Variants in NCKAP5 observed in about 807,000 individuals in gnomAD.
NCKAP5 encodes the protein nck-associated protein 5.
Under a neutral mutation model 167.0 loss-of-function variants are expected in NCKAP5, and 92 were observed. The ratio of observed to expected loss-of-function variants is 0.55; its 90% confidence interval spans 0.47 to 0.66. The LOEUF is 0.66. Ranked by LOEUF, NCKAP5 falls within the 30% of genes least tolerant of loss-of-function variation. The probability of loss-of-function intolerance (pLI) is 0.00; values close to 1 mark genes in which losing one functional copy is unlikely to be tolerated. For synonymous variants in NCKAP5, 891 were observed against 877.4 expected (o/e 1.02, Z -0.27); for missense variants, 2,378 against 2,315.0 (o/e 1.03, Z -0.56).
chr2:133,427,251 G>C (rs1045485189), intron 3 of NCKAP5, among the ~76,000 whole-genome samples: 5 of 152,278 alleles, frequency 3.3e-5, no homozygotes, highest in African/African-American at 1.2e-4. Flanking sequence ...TGAGTAGGAA[G>C]ACAATTTGAA....
At position 132,969,841 on chromosome 2, in the gene NCKAP5, G is replaced by C. The variant is rs140287865; in HGVS notation, c.430-5972C>G. Among the ~76,000 whole-genome samples the C allele has an allele frequency of 2.5e-3, 375 of 152,362 alleles. 1 individual carries two copies. Among genetic ancestry groups the C allele is most frequent in the Non-Finnish European group, 4.3e-3 (291 of 68,038 alleles). ...CACTGACCTAAAGGCATACTTGCCT[G>C]TGCTCTACATGACAAAATGCCCTGA... is the stretch of plus-strand genomic sequence containing the variant. On this transcript the variant is annotated intron_variant, in intron 7 of 19. Transcript: ENST00000409261.
chr2:132,727,786 A>C (rs866177439), intron 18 of NCKAP5, among the ~76,000 whole-genome samples: 24 of 152,142 alleles, frequency 1.6e-4, no homozygotes, highest in Admixed American at 3.3e-4. Flanking sequence ...GCAGGACTCT[A>C]GTGTTCCCCA....
chr2:133,340,948 G>C (rs1369517375), intron 3 of NCKAP5, among the ~76,000 whole-genome samples: 1 of 152,056 alleles, frequency 6.6e-6, no homozygotes, highest in Non-Finnish European at 1.5e-5. Flanking sequence ...CTGCAAAAAT[G>C]GTTTTACTTA....
intron 9 of NCKAP5, among the ~76,000 whole-genome samples, chr2:132,878,613 TACAC>T (rs10544477): frequency 0.34 from 45,057 of 131,386 alleles, 7,423 homozygotes; most frequent in Non-Finnish European, 0.42. Flanking sequence ...GGGGGGCAGA[TACAC>T]ACACACACAC....
intron 8 of NCKAP5, among the ~76,000 whole-genome samples, chr2:132,890,623 C>T (rs1692619677): frequency 6.6e-6 from 1 of 152,136 alleles, no homozygotes; most frequent in South Asian, 2.1e-4. Context: ...GATATAAAGT[C>T]TGAATACAAG....
At chr2:133,574,918 T>C in the NCKAP5 span, among the ~76,000 whole-genome samples, 1 of 152,152 alleles carries the variant, frequency 6.6e-6, no homozygotes, top group African/African-American at 2.4e-5. Context: ...GGGCCAGGGC[T>C]CTAGGGGTGA....
intron 3 of NCKAP5, among the ~76,000 whole-genome samples, chr2:133,346,392 G>A (rs1683979593): frequency 6.6e-6 from 1 of 152,216 alleles, no homozygotes; most frequent in Non-Finnish European, 1.5e-5. Flanking sequence ...TTCAGAGGAT[G>A]AGAGGGGATG....
intron 6 of NCKAP5, among the ~76,000 whole-genome samples, chr2:133,018,383 A>G (rs2149383763): frequency 6.6e-6 from 1 of 152,342 alleles, no homozygotes; most frequent in South Asian, 2.1e-4. Flanking sequence ...CCCAAGAGAC[A>G]ATGATTATTT....
chr2:133,463,992 G>C (rs1042120290), intron 3 of NCKAP5, among the ~76,000 whole-genome samples: 3 of 152,224 alleles, frequency 2.0e-5, no homozygotes, highest in Middle Eastern at 3.4e-3. Context: ...CATCCCATTG[G>C]ACCAAGCTTG....
At chr2:132,927,311 T>C (rs1221519214) in intron 8 of NCKAP5, among the ~76,000 whole-genome samples, 1 of 152,128 alleles carries the variant, frequency 6.6e-6, no homozygotes, top group Non-Finnish European at 1.5e-5. Context: ...GATGTCTAAC[T>C]TTGCTCTTTT....
intron 16 of NCKAP5, among the ~76,000 whole-genome samples, chr2:132,732,505 G>A (rs975120723): frequency 6.6e-6 from 1 of 152,168 alleles, no homozygotes; most frequent in Non-Finnish European, 1.5e-5. Flanking sequence ...TGAGGTGCAT[G>A]AAGTGGACCT....
chr2:133,153,993 C>T (rs2083478846), intron 5 of NCKAP5, among the ~76,000 whole-genome samples: 1 of 151,792 alleles, frequency 6.6e-6, no homozygotes, highest in African/African-American at 2.4e-5. Context: ...GGCGCCCGAC[C>T]ACCACACCTG....
chr2:132,880,357 T>C (rs1405486088), intron 8 of NCKAP5, among the ~76,000 whole-genome samples: 1 of 152,152 alleles, frequency 6.6e-6, no homozygotes, highest in Non-Finnish European at 1.5e-5. Context: ...AGGCTGGGCT[T>C]GGTGGCTCAC....
At chr2:132,687,518 A>C (rs1686105754) in intron 19 of NCKAP5, among the ~76,000 whole-genome samples, 1 of 152,174 alleles carries the variant, frequency 6.6e-6, no homozygotes. Context: ...TAGTTCTCTA[A>C]AGTGACTGGA....
intron 6 of NCKAP5, among the ~76,000 whole-genome samples, chr2:133,075,122 A>G (rs983942730): frequency 6.6e-6 from 1 of 152,190 alleles, no homozygotes. Context: ...AGAGGGAAAC[A>G]AAACATTACA....
intron 5 of NCKAP5, among the ~76,000 whole-genome samples, chr2:133,135,223 A>T (rs560507762): frequency 6.6e-6 from 1 of 152,320 alleles, no homozygotes; most frequent in African/African-American, 2.4e-5. Flanking sequence ...TGAGGAAGTA[A>T]TATTGAAACT....
At position 132,784,981 on chromosome 2, in the gene NCKAP5, G is replaced by T. The variant is rs762404327; in HGVS notation, c.1830C>A (p.Thr610=). The change falls in exon 14 of 20, where the codon ACC becomes ACA. Residue 610 remains threonine (T), a synonymous_variant. Transcript: ENST00000409261. ...SPSDVSLAAD[T]DKSVENLDVL... ...CATCCAGGTTCTCCACGGACTTATC[G>T]GTGTCGGCAGCCAATGACACGTCTG... is the stretch of plus-strand genomic sequence containing the variant. 8 of 1,613,692 alleles carry T rather than the reference G, an allele frequency of 5.0e-6. No homozygotes were observed. The Middle Eastern group carries it at 5.0e-4, about 100-fold the overall frequency.
intron 15 of NCKAP5, among the ~76,000 whole-genome samples, chr2:132,780,244 T>C (rs1231957324): frequency 1.3e-5 from 2 of 152,186 alleles, no homozygotes; most frequent in South Asian, 2.1e-4. Context: ...CTCTGCCTCC[T>C]GGGTTCATGC....
At chr2:133,088,635 A>G (rs796326283) in intron 6 of NCKAP5, among the ~76,000 whole-genome samples, 1 of 152,294 alleles carries the variant, frequency 6.6e-6, no homozygotes, top group African/African-American at 2.4e-5. Flanking sequence ...AACAAATATT[A>G]TGTAATGCTG....
Sources: allele counts gnomAD v4.1 joint callset (sites outside exome capture counted in the v4.1 genomes callset), GRCh38; gene constraint gnomAD v4.1.1; transcripts MANE v1.5; gene names NCBI Gene and HGNC (gene_info 2026-07-23, HGNC 2026-07-21).